The following PNPLA5 variants were observed in gnomAD, a reference collection of about 807,000 sequenced individuals.
The protein encoded by PNPLA5 is patatin like domain 5, triacylglycerol lipase, also known as patatin-like phospholipase domain-containing protein 5.
In PNPLA5, 44 loss-of-function variants were observed where a neutral mutation model predicts 49.1. The observed-to-expected ratio is 0.90, with a 90% confidence interval of 0.70 to 1.15. The LOEUF (loss-of-function observed/expected upper bound fraction) is 1.15. Ranked by LOEUF, PNPLA5 falls within the 50% of genes most tolerant of loss-of-function variation. The pLI, the probability that PNPLA5 is intolerant of heterozygous loss-of-function variation, is 0.00. For synonymous variants in PNPLA5, 243 were observed against 244.4 expected, an observed-to-expected ratio of 0.99 and a Z score of 0.06; for missense variants, 603 against 564.0, an observed-to-expected ratio of 1.07 and a Z score of -0.70.
chr22:43,884,054 T>A (rs963201441), intron 7 of PNPLA5, among the ~76,000 whole-genome samples, 159 bp downstream of exon 7: 6 of 152,212 alleles, frequency 3.9e-5, no homozygotes, highest in African/African-American at 1.4e-4. Flanking sequence ...ACAGAGGCTC[T>A]GAGTCATGCA....
intron 4 of PNPLA5, among the ~76,000 whole-genome samples, chr22:43,888,569 G>T (rs2049691242): frequency 6.6e-6 from 1 of 151,590 alleles, no homozygotes; most frequent in Admixed American, 6.6e-5. Context: ...TGAGTAGCTG[G>T]AATTACAGGC....
At chr22:43,886,989 C>T (rs778845646) in intron 5 of PNPLA5, among the ~76,000 whole-genome samples, 2 of 151,954 alleles carry the variant, frequency 1.3e-5, no homozygotes, top group African/African-American at 4.8e-5. Flanking sequence ...ATGTCTATTG[C>T]ACCAATTTGA....
At position 43,891,291 on chromosome 22, in the gene PNPLA5, A is replaced by T; in HGVS notation, c.197T>A (p.Phe66Tyr). Residue 66 changes from phenylalanine (F) to tyrosine (Y), a missense_variant, in exon 2 of 9, where the codon TTC (phenylalanine) becomes TAC (tyrosine). Coordinates refer to ENST00000216177, the MANE Select transcript of PNPLA5 (RefSeq NM_138814.4). The part of the protein sequence containing the change: ...VSIVCGKSVD[F>Y]CCSHLLGMVG... ...CATGCCCAGGAGGTGGGAGCAGCAGAAGTCTGCAGTGGGGGCAGGGAAAGG... is the reference window on the plus strand; with the variant it reads ...CATGCCCAGGAGGTGGGAGCAGCAGTAGTCTGCAGTGGGGGCAGGGAAAGG... 6.4e-7 allele frequency: 1 copy of T among 1,555,544 alleles called. No homozygotes were observed. Among genetic ancestry groups the T allele is most frequent in the South Asian group, 1.2e-5 (1 of 82,394 alleles).
At position 43,889,524 on chromosome 22, in the gene PNPLA5, C is replaced by A. The variant is rs761801826; in HGVS notation, c.507G>T (p.Gly169=). 1 of 1,610,382 alleles carries A rather than the reference C, an allele frequency of 6.2e-7. No individual in the cohort carries two copies. Among genetic ancestry groups the A allele is most frequent in the Non-Finnish European group, 8.5e-7 (1 of 1,177,666 alleles). The change falls in exon 4 of 9, where the codon GGG becomes GGT. Residue 169 remains glycine (G), a synonymous_variant. Coordinates refer to ENST00000216177, the MANE Select transcript of PNPLA5 (RefSeq NM_138814.4). ...CAAAGGGCAAGTTGTTGCTCAGAGC[C>A]CCATCGATGTAGCGCTGCAATTTGT... The part of the protein sequence containing the change: ...PEFRGERYID[G]ALSNNLPFAD...
Position 43,891,770 on chromosome 22 carries a change from G to T in PNPLA5, c.111C>A (p.Arg37=). ...AGATGCGGCGGGCGCCCTGGAGGAG[G>T]CGCGGGGCTCGCTGGCGCAGGCATT... ...ATECLRQRAP[R]LLQGARRIYG... Residue 37 remains arginine (R), a synonymous_variant, in exon 1 of 9, where the codon CGC becomes CGA. Transcript: ENST00000216177. 1.3e-6 allele frequency: 2 copies of T among 1,534,456 alleles called. No homozygotes were observed. Among genetic ancestry groups the T allele is most frequent in the Non-Finnish European group, 8.8e-7 (1 of 1,142,232 alleles).
chr22:43,886,895 G>A (rs992469598), intron 5 of PNPLA5, among the ~76,000 whole-genome samples: 4 of 152,132 alleles, frequency 2.6e-5, no homozygotes, highest in Admixed American at 6.5e-5. Context: ...TTAAGCGCTC[G>A]CCAAATGCCT....
chr22:43,889,121 A>T, intron 4 of PNPLA5, among the ~76,000 whole-genome samples: 1 of 152,216 alleles, frequency 6.6e-6, no homozygotes, highest in Admixed American at 6.5e-5. Flanking sequence ...GCCAGTCCTC[A>T]TTCATCACTG....
At chr22:43,882,245 C>T (rs2049617833) in intron 7 of PNPLA5, among the ~76,000 whole-genome samples, 1 of 152,230 alleles carries the variant, frequency 6.6e-6, no homozygotes, top group Admixed American at 6.5e-5. Flanking sequence ...CGTGGTTCCC[C>T]ACTGCCTCCA....
intron 6 of PNPLA5, among the ~76,000 whole-genome samples, chr22:43,885,897 T>C (rs935175465): frequency 1.3e-5 from 2 of 152,232 alleles, no homozygotes; most frequent in Admixed American, 6.5e-5. Flanking sequence ...TGAGTTCATT[T>C]TCATCTGGGG....
chr22:43,885,195 C>T lies in PNPLA5; in HGVS notation c.950-850G>A, dbSNP rs899206230. 1.4e-4 allele frequency among the ~76,000 whole-genome samples: 21 copies of T among 152,234 alleles called. 1 individual carries two copies. Among genetic ancestry groups the T allele is most frequent in the Non-Finnish European group, 8.8e-5 (6 of 68,036 alleles). ...TGGTGCCCCCGTGTGGCTACAGGTA[C>T]ACTGCCGGGTTCCAGAATCCCAAGC... On this transcript the variant is annotated intron_variant, in intron 6 of 8. Coordinates refer to ENST00000216177, the MANE Select transcript of PNPLA5 (RefSeq NM_138814.4).
At chr22:43,883,442 G>A (rs1242367835) in intron 7 of PNPLA5, among the ~76,000 whole-genome samples, 1 of 152,226 alleles carries the variant, frequency 6.6e-6, no homozygotes, top group Non-Finnish European at 1.5e-5. Context: ...TGATGCAGAC[G>A]GGCACATTAA....
intron 7 of PNPLA5, among the ~76,000 whole-genome samples, chr22:43,883,277 G>A (rs901653338): frequency 2.6e-5 from 4 of 152,148 alleles, no homozygotes; most frequent in African/African-American, 9.7e-5. Context: ...ACCTCTAGGT[G>A]GCGCTGTAGT....
intron 7 of PNPLA5, 30 bp from the exon 8 acceptor site, chr22:43,881,704 A>T (rs553040682): frequency 1.2e-6 from 2 of 1,608,912 alleles, no homozygotes; most frequent in Admixed American, 1.7e-5. Flanking sequence ...AGCTTTGCCC[A>T]GGTGAGCCTG....
intron 4 of PNPLA5, 93 bp downstream of exon 4, chr22:43,889,235 CG>C (rs568623268): frequency 7.8e-5 from 110 of 1,406,904 alleles, no homozygotes; most frequent in Middle Eastern, 2.0e-4. Flanking sequence ...CCTTCAGGCT[CG>C]GGGGGCAGTG....
rs986858643 is a variant in PNPLA5, at chr22:43,889,633, C to G, written c.493-95G>C. On this transcript the variant is annotated intron_variant, in intron 3 of 8. Coordinates refer to ENST00000216177, the MANE Select transcript of PNPLA5 (RefSeq NM_138814.4). The stretch of plus-strand genomic sequence containing the variant: ...TGACCCTCCAGCTGTCCCTGAGTCA[C>G]CAGGGCCACTCCAGCCCAGGAGGCT... 2.6e-6 allele frequency: 4 copies of G among 1,532,938 alleles called. No homozygotes were observed. In the African/African-American group the frequency reaches 5.5e-5, roughly 21 times the overall value. 95.0% of individuals were successfully genotyped at this position (1,532,938 alleles called of 1,614,324 possible). A position where few individuals can be genotyped will look rare whatever the true frequency, so the allele number is the denominator to read the frequency against.
chr22:43,883,792 T>C (rs1178719455), intron 7 of PNPLA5, among the ~76,000 whole-genome samples: 2 of 147,358 alleles, frequency 1.4e-5, no homozygotes, highest in Non-Finnish European at 3.0e-5. Flanking sequence ...GCCTGGGCAA[T>C]AGAGTGAGAC....
intron 7 of PNPLA5, among the ~76,000 whole-genome samples, chr22:43,883,209 CAG>C (rs1320985254): frequency 2.0e-5 from 3 of 152,182 alleles, no homozygotes; most frequent in Non-Finnish European, 4.4e-5. Context: ...CTTCCCTGGC[CAG>C]AGAGTCCCTA....
At chr22:43,887,796 G>A (rs1311698696) in intron 4 of PNPLA5, 145 bp from the exon 5 acceptor site, 7 of 1,494,658 alleles carry the variant, frequency 4.7e-6, no homozygotes, top group Non-Finnish European at 6.2e-6. Context: ...AGGGCTCAGG[G>A]CAGGAGCCTG....
At chr22:43,889,675 C>G in intron 3 of PNPLA5, 124 bp downstream of exon 3, 5 of 1,514,112 alleles carry the variant, frequency 3.3e-6, no homozygotes, top group Non-Finnish European at 3.5e-6. Flanking sequence ...CCCCCAGGAG[C>G]AGGGGGAGGG....
Sources: gnomAD v4.1 joint callset for allele counts (sites outside exome capture counted in the v4.1 genomes callset) on GRCh38, gnomAD v4.1.1 for gene constraint, MANE v1.5 for transcripts, NCBI Gene and HGNC (gene_info 2026-07-23, HGNC 2026-07-21) for gene names.